Variants in SEC31A observed in about 807,000 individuals in gnomAD.
SEC31A encodes protein transport protein Sec31A.
A neutral mutation model predicts 151.0 loss-of-function variants in SEC31A; 70 were observed. That is an observed-to-expected ratio of 0.46 (90% CI 0.38 to 0.57). The LOEUF (loss-of-function observed/expected upper bound fraction) is 0.57. SEC31A is among the 20% of genes least tolerant of loss of function. The pLI is 0.00. For synonymous variants in SEC31A, 475 were observed against 505.9 expected (o/e 0.94, Z 0.82); for missense variants, 1,330 against 1,471.2 (o/e 0.90, Z 1.57).
Position 82,853,572 on chromosome 4 carries a change from G to T in SEC31A, c.2152C>A (p.Gln718Lys). ...AQDGSHPLSL[Q>K]DLIEKVVILR... ...GCCTTTTGTTTCAAAGATACTACCT[G>T]AAGTGACAAAGGGTGGCTTCCATCT... Residue 718 changes from glutamine (Q) to lysine (K), a missense_variant and splice_region_variant, in exon 18 of 27, where the codon CAG becomes AAG. Physicochemically the swap from Gln to Lys is moderately conservative, Grantham distance 53. Coordinates refer to ENST00000395310, the MANE Select transcript of SEC31A (RefSeq NM_001077207.4). The T allele has an allele frequency of 6.4e-7, 1 of 1,572,062 alleles. No individual in the cohort carries two copies. The highest frequency in any genetic ancestry group is 8.6e-7 in the Non-Finnish European group (1 of 1,168,434).
At chr4:82,854,224 A>G (rs1200428182) in intron 17 of SEC31A, among the ~76,000 whole-genome samples, 1 of 152,112 alleles carries the variant, frequency 6.6e-6, no homozygotes, top group African/African-American at 2.4e-5. Flanking sequence ...CTAGCCAGGC[A>G]TGGTGGTGCA....
chr4:82,822,703 G>A lies in SEC31A; in HGVS notation c.3412-1595C>T, dbSNP rs565150979. On this transcript the variant is annotated intron_variant, in intron 25 of 26. Coordinates refer to ENST00000395310, the MANE Select transcript of SEC31A (RefSeq NM_001077207.4). Reference sequence around the variant, plus strand: ...CTCAAAGTTAACCTGGCCAGGTGCGGTGGCTCATGCCTGTAATCCCAGCAC... The same window carrying A: ...CTCAAAGTTAACCTGGCCAGGTGCGATGGCTCATGCCTGTAATCCCAGCAC... 2.6e-5 allele frequency among the ~76,000 whole-genome samples: 4 copies of A among 152,336 alleles called. No individual in the cohort carries two copies. In the East Asian group the frequency reaches 7.7e-4, roughly 29 times the overall value.
chr4:82,849,113 GAC>G (rs761898461), intron 19 of SEC31A, 136 bp from the exon 20 acceptor site: 144 of 748,846 alleles, frequency 1.9e-4, no homozygotes, highest in Admixed American at 1.4e-3. Context: ...AATAGACCCT[GAC>G]ACACAGATTT....
chr4:82,831,971 T>G (rs915517709), intron 22 of SEC31A, among the ~76,000 whole-genome samples: 2 of 152,166 alleles, frequency 1.3e-5, no homozygotes, highest in African/African-American at 4.8e-5. Flanking sequence ...ATCGTGAAAA[T>G]GGCCTTACTG....
chr4:82,898,930 C>G (rs1720175217), intron 3 of SEC31A, among the ~76,000 whole-genome samples: 1 of 151,576 alleles, frequency 6.6e-6, no homozygotes. Flanking sequence ...CACAAATGTT[C>G]ATAATAGTAA....
rs1198115531 is a variant in SEC31A at position 82,867,023 on chromosome 4, A to G, written c.1045-63T>C. On this transcript the variant is annotated intron_variant, in intron 9 of 26. Coordinates refer to ENST00000395310, the MANE Select transcript of SEC31A (RefSeq NM_001077207.4). ...CACAAAGTTTCATTTTTTTCCAGTC[A>G]TATCCAAAAAAATTTTTGATCACAA... 5 of 1,573,208 alleles carry G rather than the reference A, an allele frequency of 3.2e-6. No individual in the cohort carries two copies. In the African/African-American group the frequency reaches 6.8e-5, roughly 22 times the overall value.
At chr4:82,887,256 T>C (rs1416923002) in intron 1 of SEC31A, among the ~76,000 whole-genome samples, 4 of 152,228 alleles carry the variant, frequency 2.6e-5, no homozygotes, top group African/African-American at 9.6e-5. Context: ...CATTAATGCT[T>C]GGTTAATGTG....
At chr4:82,838,352 G>A (rs1727915814) in intron 22 of SEC31A, among the ~76,000 whole-genome samples, 1 of 152,068 alleles carries the variant, frequency 6.6e-6, no homozygotes, top group Non-Finnish European at 1.5e-5. Flanking sequence ...AAAAGTGACA[G>A]GCAGTTATCC....
chr4:82,819,384 A>T, intron 26 of SEC31A, 131 bp from the exon 27 acceptor site: 1 of 631,828 alleles, frequency 1.6e-6, no homozygotes, highest in African/African-American at 1.9e-5. Flanking sequence ...TAAACCATTT[A>T]GCATTTCTAG....
intron 22 of SEC31A, among the ~76,000 whole-genome samples, chr4:82,837,404 G>GT (rs568231535): frequency 1.3e-5 from 2 of 151,440 alleles, no homozygotes; most frequent in East Asian, 1.9e-4. Context: ...AAGCAAGGAA[G>GT]TTTTTTTTGT....
chr4:82,838,636 C>T (rs1727990130), intron 22 of SEC31A, among the ~76,000 whole-genome samples: 1 of 152,210 alleles, frequency 6.6e-6, no homozygotes, highest in Non-Finnish European at 1.5e-5. Flanking sequence ...AGTAAAACTC[C>T]TTGCCCTGGT....
At chr4:82,868,577 CTTG>C (rs1735926905) in intron 8 of SEC31A, among the ~76,000 whole-genome samples, 1 of 151,830 alleles carries the variant, frequency 6.6e-6, no homozygotes, top group Non-Finnish European at 1.5e-5. Flanking sequence ...CAATGTAATC[CTTG>C]TTGTGAACTC....
intron 22 of SEC31A, among the ~76,000 whole-genome samples, chr4:82,840,175 C>A (rs1728410898): frequency 6.6e-6 from 1 of 152,148 alleles, no homozygotes; most frequent in African/African-American, 2.4e-5. Flanking sequence ...ATTATTACTA[C>A]TTCTCAAGGT....
chr4:82,845,392 C>G (rs1729840341), intron 20 of SEC31A: 1 of 587,278 alleles, frequency 1.7e-6, no homozygotes. Context: ...GATGCAAAGC[C>G]AAAGGTAAGA....
intron 22 of SEC31A, among the ~76,000 whole-genome samples, chr4:82,834,732 T>C (rs1726812624): frequency 6.6e-6 from 1 of 152,200 alleles, no homozygotes; most frequent in South Asian, 2.1e-4. Context: ...CTTTTATTAA[T>C]TTAATGTACA....
rs770320145 is a variant in SEC31A, at chr4:82,880,771, C to G, written c.203+28G>C. 1.9e-6 allele frequency: 3 copies of G among 1,570,808 alleles called. No individual in the cohort carries two copies. The East Asian group carries it at 6.8e-5, about 35-fold the overall frequency. The stretch of plus-strand genomic sequence containing the variant: ...CAAGAACAATATATAATTAAATAAT[C>G]ACATGAATTTAAAGCTGAACCTCAT... On this transcript the variant is annotated intron_variant, in intron 3 of 26. Transcript: ENST00000395310.
At chr4:82,865,275 A>G (rs566388637) in intron 10 of SEC31A, among the ~76,000 whole-genome samples, 1 of 152,296 alleles carries the variant, frequency 6.6e-6, no homozygotes, top group East Asian at 1.9e-4. Flanking sequence ...GATGTGGAGA[A>G]ACTAGAACCC....
chr4:82,824,716 G>GCTAC (rs762193810), intron 24 of SEC31A, 42 bp from the exon 25 acceptor site: 1 of 1,602,152 alleles, frequency 6.2e-7, no homozygotes, highest in South Asian at 1.1e-5. Context: ...ATGACCAGAA[G>GCTAC]CTACCTTATA....
intron 25 of SEC31A, 198 bp from the exon 26 acceptor site, chr4:82,821,306 TG>T: frequency 2.0e-6 from 1 of 505,408 alleles, no homozygotes; most frequent in Non-Finnish European, 3.5e-6. Context: ...CCCAGCACTT[TG>T]GGAGACCAAG....
Sources: gnomAD v4.1 joint callset for allele counts (sites outside exome capture counted in the v4.1 genomes callset) on GRCh38, gnomAD v4.1.1 for gene constraint, MANE v1.5 for transcripts, NCBI Gene and HGNC (gene_info 2026-07-23, HGNC 2026-07-21) for gene names.